The following TELO2 variants were observed in gnomAD, a reference collection of about 807,000 sequenced individuals.
The protein encoded by TELO2 is telomere maintenance 2.
Under a neutral mutation model 91.0 loss-of-function variants are expected in TELO2, and 71 were observed. The observed-to-expected ratio is 0.78, with a 90% CI of 0.64 to 0.95. The LOEUF is 0.95. TELO2 is among the 40% of genes least tolerant of loss of function. The pLI, the probability that TELO2 is intolerant of heterozygous loss-of-function variation, is 0.00. For missense variants in TELO2, 1,183 were observed against 1,141.3 expected, an observed-to-expected ratio of 1.04 and a Z score of -0.53; for synonymous variants, 584 against 518.9, an observed-to-expected ratio of 1.13 and a Z score of -1.71.
At chr16:1,502,000 C>T (rs769444328) in intron 11 of TELO2, 47 bp from the exon 12 acceptor site, 1 of 1,611,014 alleles carries the variant, frequency 6.2e-7, no homozygotes, top group Non-Finnish European at 8.5e-7. Flanking sequence ...TTGGGCACTT[C>T]CTGTCACAGG....
chr16:1,501,731 TCCCCCAAGCACA>T lies in TELO2; in HGVS notation c.1431_1442del (p.Pro478_Gln481del). ...CCCGCAGAGATCGTGGATGGCGGCGTCCCCCAAGCACAGCTGGCGGGCTCTGACTCGGACCTG... is the reference window on the plus strand; with the variant it reads ...CCCGCAGAGATCGTGGATGGCGGCGTGCTGGCGGGCTCTGACTCGGACCTG... On this transcript the variant is annotated inframe_deletion, in exon 11 of 21. Coordinates refer to ENST00000262319, the MANE Select transcript of TELO2 (RefSeq NM_016111.4). 1 of 1,611,458 alleles carries T rather than the reference TCCCCCAAGCACA, an allele frequency of 6.2e-7. No individual in the cohort carries two copies. Among genetic ancestry groups the T allele is most frequent in the East Asian group, 2.2e-5 (1 of 44,852 alleles).
rs1467899544 is a variant in TELO2, at chr16:1,493,889, C to G, written c.-37+284C>G. On this transcript the variant is annotated intron_variant, in intron 1 of 20. Coordinates refer to ENST00000262319, the MANE Select transcript of TELO2 (RefSeq NM_016111.4). The surrounding 1 kb of genome is among the most constrained non-coding windows in gnomAD (Gnocchi z 4.3). ...CCGGCAGCTCCCGCGGGCCGAGTTT[C>G]CCGCCTTGGGTGCGAGGACGCGTGG... Among the ~76,000 whole-genome samples, 1 of 152,248 alleles carries G rather than the reference C, an allele frequency of 6.6e-6. No homozygotes were observed. Among genetic ancestry groups the G allele is most frequent in the African/African-American group, 2.4e-5 (1 of 41,466 alleles).
chr16:1,497,854 C>T lies in TELO2; in HGVS notation c.830+346C>T, dbSNP rs1043759711. Reference sequence around the variant, plus strand: ...ATGGTGATGGGCGGTGACTCACTTCCCCACGTCTTTGTGCAGGAGAATCAA... The same window carrying T: ...ATGGTGATGGGCGGTGACTCACTTCTCCACGTCTTTGTGCAGGAGAATCAA... On this transcript the variant is annotated intron_variant, in intron 5 of 20. Coordinates refer to ENST00000262319, the MANE Select transcript of TELO2 (RefSeq NM_016111.4). The surrounding 1 kb of genome is among the most constrained non-coding windows in gnomAD (Gnocchi z 4.0). Among the ~76,000 whole-genome samples the T allele has an allele frequency of 6.6e-6, 1 of 152,108 alleles. No individual in the cohort carries two copies. The highest frequency in any genetic ancestry group is 1.5e-5 in the Non-Finnish European group (1 of 68,030).
At position 1,505,602 on chromosome 16, in the gene TELO2, G is replaced by T; in HGVS notation, c.2034+1G>T. On this transcript the variant is annotated splice_donor_variant, in intron 16 of 20. Coordinates refer to ENST00000262319, the MANE Select transcript of TELO2 (RefSeq NM_016111.4). LOFTEE classifies it high-confidence loss of function. This position sits in a 1 kb window ranked among gnomAD's most constrained non-coding sequence, Gnocchi z 4.3. ...AAGCAAGACCCAGCGGCTCTCCAAG[G>T]TTAGTGGCGCCTGGTCAGCTCCTCA... 1.3e-6 allele frequency: 2 copies of T among 1,481,870 alleles called. No individual in the cohort carries two copies. The highest frequency in any genetic ancestry group is 1.8e-6 in the Non-Finnish European group (2 of 1,092,056). The allele number at this position is 1,481,870 out of a possible 1,614,324, so 91.8% of individuals were successfully genotyped here. A position where few individuals can be genotyped will look rare whatever the true frequency, so the allele number is the denominator to read the frequency against.
In TELO2 at chr16:1,497,530, C is replaced by T. The variant is rs757635540; in HGVS notation, c.830+22C>T. ...TGGGGTAAGCAGCCAGGCTGTCCTC[C>T]AGCTGCACTGGCTTCTGGGGTCTGG... On this transcript the variant is annotated intron_variant, in intron 5 of 20. Transcript: ENST00000262319. This position sits in a 1 kb window ranked among gnomAD's most constrained non-coding sequence, Gnocchi z 4.0. 1.2e-5 allele frequency: 19 copies of T among 1,538,610 alleles called. No homozygotes were observed. Among genetic ancestry groups the T allele is most frequent in the Non-Finnish European group, 1.7e-5 (19 of 1,145,148 alleles).
In TELO2 at chr16:1,507,058, C is replaced by T. The variant is rs773496611; in HGVS notation, c.2226+7C>T. ...CCTGGCTGTTAACACCACGGTGAGC[C>T]GGGAGAGGTCGCCGGGCGCCGGCCT... On this transcript the variant is annotated splice_region_variant and intron_variant, in intron 18 of 20. Coordinates refer to ENST00000262319, the MANE Select transcript of TELO2 (RefSeq NM_016111.4). 6.3e-6 allele frequency: 10 copies of T among 1,599,862 alleles called. No individual in the cohort carries two copies. Among genetic ancestry groups the T allele is most frequent in the East Asian group, 4.5e-5 (2 of 44,386 alleles).
In TELO2 at chr16:1,505,661, G is replaced by A. The variant is rs1202858312; in HGVS notation, c.2034+60G>A. ...GGGACCGTGGGTGGGTGGGAAGGGCGGTCAGACACCTCCAGGCGCTGTCTG... is the reference window on the plus strand; with the variant it reads ...GGGACCGTGGGTGGGTGGGAAGGGCAGTCAGACACCTCCAGGCGCTGTCTG... On this transcript the variant is annotated intron_variant, in intron 16 of 20. Coordinates refer to ENST00000262319, the MANE Select transcript of TELO2 (RefSeq NM_016111.4). The surrounding 1 kb of genome is among the most constrained non-coding windows in gnomAD (Gnocchi z 4.3). 1.4e-5 allele frequency: 21 copies of A among 1,540,702 alleles called. No individual in the cohort carries two copies. Among genetic ancestry groups the A allele is most frequent in the Admixed American group, 9.2e-5 (5 of 54,378 alleles).
chr16:1,501,883 C>T, intron 11 of TELO2, 110 bp downstream of exon 11: 1 of 1,443,938 alleles, frequency 6.9e-7, no homozygotes, highest in Admixed American at 1.9e-5. Context: ...CGTGCTTCTT[C>T]TCTTTCGTCC....
intron 9 of TELO2, 134 bp downstream of exon 9, chr16:1,500,833 G>T: frequency 7.1e-7 from 1 of 1,400,818 alleles, no homozygotes; most frequent in Non-Finnish European, 9.5e-7. Context: ...TTCTCGCAGG[G>T]CTGAGGCTGG....
intron 13 of TELO2, 79 bp downstream of exon 13, chr16:1,502,483 G>T: frequency 6.6e-7 from 1 of 1,525,390 alleles, no homozygotes; most frequent in Non-Finnish European, 8.9e-7. Context: ...GCCACTGAGG[G>T]TGACATATGG....
intron 17 of TELO2, 40 bp downstream of exon 17, chr16:1,506,369 G>A: frequency 1.2e-6 from 2 of 1,613,572 alleles, no homozygotes; most frequent in Non-Finnish European, 1.7e-6. Context: ...TTGGGGGACA[G>A]GGACCCTGGA....
intron 11 of TELO2, 59 bp from the exon 12 acceptor site, chr16:1,501,988 C>T (rs1329706490): frequency 5.6e-6 from 9 of 1,605,074 alleles, no homozygotes; most frequent in Non-Finnish European, 6.8e-6. Context: ...CTGGCTCTGC[C>T]GTTGGGCACT....
intron 20 of TELO2, 98 bp from the exon 21 acceptor site, chr16:1,509,732 C>G: frequency 8.7e-7 from 1 of 1,143,050 alleles, no homozygotes; most frequent in Non-Finnish European, 1.3e-6. Context: ...TCCATGGAGT[C>G]AGGCCTGGCG....
intron 19 of TELO2, 50 bp downstream of exon 19, chr16:1,507,420 G>A: frequency 1.2e-6 from 2 of 1,600,232 alleles, no homozygotes; most frequent in South Asian, 1.1e-5. Context: ...GCAGACACAG[G>A]GGTCTTATTG....
intron 6 of TELO2, 26 bp downstream of exon 6, chr16:1,499,359 C>G: frequency 6.2e-7 from 1 of 1,610,584 alleles, no homozygotes; most frequent in Non-Finnish European, 8.5e-7. Flanking sequence ...AGGGTGCAGG[C>G]TGCTGGCTGC....
At chr16:1,509,171 CAGG>C (rs2040024300) in intron 20 of TELO2, among the ~76,000 whole-genome samples, 2 of 152,172 alleles carry the variant, frequency 1.3e-5, no homozygotes, top group Non-Finnish European at 2.9e-5. Flanking sequence ...CCTGAAGCAC[CAGG>C]AGGAGCAGGG....
At chr16:1,498,570 G>A (rs372388591) in intron 5 of TELO2, among the ~76,000 whole-genome samples, 169 of 152,102 alleles carry the variant, frequency 1.1e-3, no homozygotes, top group African/African-American at 3.5e-3. Context: ...CCTGAGTAGC[G>A]GGAACACAGG....
In TELO2 at chr16:1,500,585, G is replaced by A. The variant is rs745894433; in HGVS notation, c.1167G>A (p.Ala389=). The A allele has an allele frequency of 1.7e-5, 27 of 1,611,790 alleles. No individual in the cohort carries two copies. The highest frequency in any genetic ancestry group is 1.3e-4 in the South Asian group (12 of 90,978). Residue 389 remains alanine, a synonymous_variant, in exon 9 of 21, where the codon GCG becomes GCA. Transcript: ENST00000262319. ...SRDELLASMM[A]GVKCRLDSSL... ...CAGAACTGCTGGCCAGCATGATGGC[G>A]GGCGTGAAGTGCCGCCTGGACAGTA...
In TELO2 at chr16:1,510,305, C is replaced by T. The variant is rs115297583; in HGVS notation, c.*369C>T. 6.9e-3 allele frequency: 2,033 copies of T among 295,890 alleles called. 45 individuals carry two copies. The highest frequency in any genetic ancestry group is 0.041 in the African/African-American group (1,864 of 45,468). 18.3% of individuals were successfully genotyped at this position (295,890 alleles called of 1,614,324 possible). ...CTGAGAGCCACCAAGCAGGACAGAG[C>T]AGCTCTTGTCCCAGGTCCCTCGGGC... is the stretch of plus-strand genomic sequence containing the variant. On this transcript the variant is annotated 3_prime_UTR_variant, in exon 21 of 21. Transcript: ENST00000262319.
Sources: gnomAD v4.1 joint callset for allele counts (sites outside exome capture counted in the v4.1 genomes callset) on GRCh38, gnomAD v4.1.1 for gene constraint, Gnocchi (gnomAD v3.1) non-coding constraint, MANE v1.5 for transcripts, NCBI Gene and HGNC (gene_info 2026-07-23, HGNC 2026-07-21) for gene names.